PRKG1: variants seen among roughly 807,000 people sequenced by gnomAD.
PRKG1 encodes the protein protein kinase cGMP-dependent 1, also known as cGMP-dependent protein kinase 1.
A neutral mutation model predicts 88.1 loss-of-function variants in PRKG1; 35 were observed. That is an observed-to-expected ratio of 0.40 (90% CI 0.30 to 0.53). The LOEUF (loss-of-function observed/expected upper bound fraction) is 0.53, where lower values mean the gene tolerates loss of function less well. Among genes scored for constraint, PRKG1 ranks in the 20% least tolerant of loss-of-function variants. The pLI is 0.59. For missense variants in PRKG1, 540 were observed against 839.8 expected, an observed-to-expected ratio of 0.64 and a Z score of 4.41; for synonymous variants, 303 against 292.5, an observed-to-expected ratio of 1.04 and a Z score of -0.37.
chr10:51,049,150 A>G (rs1380704838), intron 1 of PRKG1, among the ~76,000 whole-genome samples: 2 of 152,150 alleles, frequency 1.3e-5, no homozygotes, highest in Admixed American at 6.5e-5. Flanking sequence ...ATCACAAGTC[A>G]TGGCTGCTCA....
intron 2 of PRKG1, among the ~76,000 whole-genome samples, chr10:51,154,903 A>G (rs1255372465): frequency 6.6e-6 from 1 of 152,016 alleles, no homozygotes; most frequent in Non-Finnish European, 1.5e-5. Context: ...AAGTGGCAAA[A>G]ATATATAGAG....
At chr10:51,094,462 A>G (rs1844480232) in intron 1 of PRKG1, among the ~76,000 whole-genome samples, 1 of 152,128 alleles carries the variant, frequency 6.6e-6, no homozygotes, top group Non-Finnish European at 1.5e-5. Flanking sequence ...ATTAAAATAC[A>G]TGCTAAACAA....
At chr10:51,248,992 A>G (rs934319060) in intron 2 of PRKG1, among the ~76,000 whole-genome samples, 2 of 151,868 alleles carry the variant, frequency 1.3e-5, no homozygotes, top group African/African-American at 4.8e-5. Context: ...ATTAAGTACA[A>G]CCGAAGGTGA....
At chr10:51,311,170 A>T (rs182836889) in intron 2 of PRKG1, among the ~76,000 whole-genome samples, 3 of 152,304 alleles carry the variant, frequency 2.0e-5, no homozygotes, top group African/African-American at 7.2e-5. Flanking sequence ...ATACTTGAAC[A>T]CTAAAAAGAT....
Position 51,670,605 on chromosome 10 carries a change from G to A in PRKG1, c.593-133980G>A, listed in dbSNP as rs916508463. The stretch of plus-strand genomic sequence containing the variant: ...CAAAAAATTAGCCGGGCGTAGTGGC[G>A]GGCGCCTGTAGTCCCAGCTACTTGG... On this transcript the variant is annotated intron_variant, in intron 3 of 17. Transcript: ENST00000373980. Among the ~76,000 whole-genome samples, 3 of 148,360 alleles carry A rather than the reference G, an allele frequency of 2.0e-5. No homozygotes were observed. The East Asian group carries it at 5.9e-4, about 29-fold the overall frequency.
At chr10:51,204,366 C>CTGTGTGTGTGTG (rs754207830) in intron 2 of PRKG1, among the ~76,000 whole-genome samples, 13 of 118,368 alleles carry the variant, frequency 1.1e-4, no homozygotes, top group African/African-American at 4.7e-4. Context: ...GAGTAGACCT[C>CTGTGTGTGTGTG]CGTGTGTGTG....
At chr10:51,943,146 T>C (rs1287362081) in intron 5 of PRKG1, among the ~76,000 whole-genome samples, 2 of 152,074 alleles carry the variant, frequency 1.3e-5, no homozygotes, top group Admixed American at 6.5e-5. Context: ...TGGTTTGTAG[T>C]TATCCTTGAA....
chr10:51,839,706 T>C (rs1840221065), intron 4 of PRKG1, among the ~76,000 whole-genome samples: 1 of 152,172 alleles, frequency 6.6e-6, no homozygotes, highest in Admixed American at 6.5e-5. Context: ...AGAATTATTC[T>C]TTACCTTATG....
At chr10:51,137,207 A>C (rs1845709153) in intron 1 of PRKG1, among the ~76,000 whole-genome samples, 1 of 152,118 alleles carries the variant, frequency 6.6e-6, no homozygotes, top group African/African-American at 2.4e-5. Flanking sequence ...CTTAAAGTGA[A>C]TAGGAACTTA....
rs1417549016 is a variant in PRKG1, at chr10:52,290,299, A to T, written c.1962+9A>T. 2.5e-6 allele frequency: 4 copies of T among 1,595,668 alleles called. 1 individual carries two copies. Among genetic ancestry groups the T allele is most frequent in the Non-Finnish European group, 2.6e-6 (3 of 1,165,092 alleles). ...CTCCTATAATACCAAGTGTAAGTAG[A>T]CTTTCCAGCTTATAATTGTGTGACA... On this transcript the variant is annotated intron_variant, in intron 17 of 17. Transcript: ENST00000373980.
chr10:51,205,725 G>A (rs1437918792), intron 2 of PRKG1, among the ~76,000 whole-genome samples: 3 of 151,382 alleles, frequency 2.0e-5, no homozygotes, highest in Non-Finnish European at 4.4e-5. Flanking sequence ...GTAGAGATGG[G>A]GTTTCACCAT....
At chr10:51,610,862 A>T (rs1838887585) in intron 3 of PRKG1, among the ~76,000 whole-genome samples, 1 of 152,024 alleles carries the variant, frequency 6.6e-6, no homozygotes, top group Admixed American at 6.6e-5. Flanking sequence ...GAACACGGGG[A>T]GGGGAACAAC....
intron 4 of PRKG1, among the ~76,000 whole-genome samples, chr10:51,849,153 C>G (rs1272651731): frequency 1.3e-5 from 2 of 152,266 alleles, no homozygotes; most frequent in Non-Finnish European, 2.9e-5. Flanking sequence ...CCTACCAAAA[C>G]CCATTCCATA....
chr10:51,195,087 G>A (rs940426856), intron 2 of PRKG1, among the ~76,000 whole-genome samples: 2 of 152,162 alleles, frequency 1.3e-5, no homozygotes, highest in Non-Finnish European at 2.9e-5. Flanking sequence ...TGCCCATGCA[G>A]GAAACACATA....
intron 1 of PRKG1, among the ~76,000 whole-genome samples, chr10:51,138,642 G>A (rs1362511101): frequency 2.0e-5 from 3 of 149,768 alleles, no homozygotes; most frequent in Non-Finnish European, 4.4e-5. Flanking sequence ...TGATAAATGA[G>A]GAGGAATCCA....
At chr10:51,137,840 T>G (rs929299825) in intron 1 of PRKG1, among the ~76,000 whole-genome samples, 1 of 152,102 alleles carries the variant, frequency 6.6e-6, no homozygotes, top group Non-Finnish European at 1.5e-5. Context: ...TCACACCAGT[T>G]TGAGTAAGTG....
intron 3 of PRKG1, among the ~76,000 whole-genome samples, chr10:51,550,989 G>T (rs1366483902): frequency 6.6e-6 from 1 of 151,826 alleles, no homozygotes; most frequent in Non-Finnish European, 1.5e-5. Flanking sequence ...CCTTTATTAA[G>T]AAATACATGT....
intron 4 of PRKG1, among the ~76,000 whole-genome samples, chr10:51,887,066 A>G (rs1841588676): frequency 6.6e-6 from 1 of 152,072 alleles, no homozygotes; most frequent in Non-Finnish European, 1.5e-5. Flanking sequence ...ACTCACTGCA[A>G]CCTCTGCCTC....
intron 4 of PRKG1, among the ~76,000 whole-genome samples, chr10:51,859,407 T>A (rs560047317): frequency 6.6e-6 from 1 of 151,144 alleles, no homozygotes; most frequent in Non-Finnish European, 1.5e-5. Context: ...GTTTTTAGTC[T>A]GCAACAGAGC....
Sources: allele counts gnomAD v4.1 joint callset (sites outside exome capture counted in the v4.1 genomes callset), GRCh38; gene constraint gnomAD v4.1.1; transcripts MANE v1.5; gene names NCBI Gene and HGNC (gene_info 2026-07-23, HGNC 2026-07-21).